Variants in IQCM observed in about 807,000 individuals in gnomAD.
IQCM encodes IQ domain-containing protein M.
Under a neutral mutation model 57.6 loss-of-function variants are expected in IQCM, and 45 were observed. The observed-to-expected ratio is 0.78, with a 90% CI of 0.62 to 1.00. The LOEUF (loss-of-function observed/expected upper bound fraction) is 1.00. Among genes scored for constraint, IQCM ranks in the 50% least tolerant of loss-of-function variants. IQCM has a pLI of 0.00. For missense variants in IQCM, 468 were observed against 511.6 expected (o/e 0.91, Z 0.82); for synonymous variants, 148 against 158.9 (o/e 0.93, Z 0.51).
chr4:149,469,092 G>A (rs565438024), intron 12 of IQCM, among the ~76,000 whole-genome samples: 36 of 152,262 alleles, frequency 2.4e-4, no homozygotes, highest in Non-Finnish European at 4.6e-4. Context: ...ACAGCTCCTC[G>A]CCAGCAATGG....
chr4:149,392,124 AG>A (rs1233786353), intron 13 of IQCM, among the ~76,000 whole-genome samples: 2 of 38,288 alleles, frequency 5.2e-5, no homozygotes, highest in Non-Finnish European at 1.3e-4. Flanking sequence ...CAATTTTGTC[AG>A]TTTTTTTTTT....
At position 149,730,379 on chromosome 4, in the gene IQCM, GC is replaced by G. The variant is rs563802680; in HGVS notation, c.385+2864del. On this transcript the variant is annotated intron_variant, in intron 5 of 13. Coordinates refer to ENST00000636793, the MANE Select transcript of IQCM (RefSeq NM_001363507.2). The stretch of plus-strand genomic sequence containing the variant: ...AAATCCATCATACCCCATCTCTACA[GC>G]CAGTAAACATGCTAAAATGCAAATA... 5.0e-3 allele frequency among the ~76,000 whole-genome samples: 756 copies of G among 152,186 alleles called. 3 individuals are homozygous for G. The highest frequency in any genetic ancestry group is 0.017 in the African/African-American group (720 of 41,516).
intron 12 of IQCM, among the ~76,000 whole-genome samples, chr4:149,534,451 CA>C (rs1560960544): frequency 6.6e-6 from 1 of 152,154 alleles, no homozygotes; most frequent in East Asian, 1.9e-4. Flanking sequence ...GTGTTTACTT[CA>C]AAAGATGACA....
chr4:149,391,335 C>T (rs1409655923), intron 13 of IQCM, among the ~76,000 whole-genome samples: 1 of 151,868 alleles, frequency 6.6e-6, no homozygotes, highest in East Asian at 1.9e-4. Context: ...AGGTCAATAA[C>T]AATAGCCCCC....
At chr4:149,520,125 T>A (rs1745464961) in intron 12 of IQCM, among the ~76,000 whole-genome samples, 1 of 152,238 alleles carries the variant, frequency 6.6e-6, no homozygotes, top group African/African-American at 2.4e-5. Context: ...GGTTAACATT[T>A]TAAAGTGCTT....
chr4:149,607,505 T>C (rs1013493842), intron 8 of IQCM, among the ~76,000 whole-genome samples: 2 of 151,982 alleles, frequency 1.3e-5, no homozygotes, highest in Non-Finnish European at 2.9e-5. Context: ...AACAATGTAA[T>C]TGCGATGTGT....
chr4:149,546,112 T>C (rs1748389333), intron 12 of IQCM, among the ~76,000 whole-genome samples: 1 of 152,196 alleles, frequency 6.6e-6, no homozygotes, highest in Admixed American at 6.5e-5. Flanking sequence ...AATGATGGTT[T>C]CCAGCTTCAA....
rs184071643 is a variant in IQCM at position 149,473,127 on chromosome 4, G to T, written c.1229-39570C>A. ...CAAAAGCCAAAATTGACAAATGGGA[G>T]CTAATTAAACTCAAGAGCTTCTGCA... On this transcript the variant is annotated intron_variant, in intron 12 of 13. Transcript: ENST00000636793. Among the ~76,000 whole-genome samples the T allele has an allele frequency of 5.1e-4, 78 of 152,202 alleles. 1 individual carries two copies. The highest frequency in any genetic ancestry group is 3.4e-3 in the Middle Eastern group (1 of 294).
At chr4:149,545,694 T>C (rs1284152094) in intron 12 of IQCM, among the ~76,000 whole-genome samples, 1 of 152,018 alleles carries the variant, frequency 6.6e-6, no homozygotes, top group African/African-American at 2.4e-5. Context: ...TGGGTATATA[T>C]CCAAATAAAT....
chr4:149,814,986 A>G (rs1384611093), intron 2 of IQCM, among the ~76,000 whole-genome samples: 1 of 152,050 alleles, frequency 6.6e-6, no homozygotes, highest in African/African-American at 2.4e-5. Flanking sequence ...ACAAAAATAA[A>G]GCAATAGTAG....
chr4:149,747,490 T>C (rs1249004024), intron 2 of IQCM, among the ~76,000 whole-genome samples: 3 of 152,174 alleles, frequency 2.0e-5, no homozygotes, highest in Non-Finnish European at 4.4e-5. Flanking sequence ...TAGGAAATAA[T>C]GACAAGAAAA....
At chr4:149,459,878 G>A (rs535812518) in intron 12 of IQCM, among the ~76,000 whole-genome samples, 4 of 152,212 alleles carry the variant, frequency 2.6e-5, no homozygotes, top group East Asian at 3.9e-4. Context: ...TGTTGCGAAC[G>A]TGGGTTGAAC....
rs528217144 is a variant in IQCM, at chr4:149,530,157, G to T, written c.1228+18298C>A. Among the ~76,000 whole-genome samples the T allele has an allele frequency of 2.6e-5, 4 of 152,042 alleles. No homozygotes were observed. In the South Asian group the frequency reaches 8.3e-4, roughly 32 times the overall value. On this transcript the variant is annotated intron_variant, in intron 12 of 13. Transcript: ENST00000636793. ...CCCCAAAGAAAAATGTCCCCATCTT[G>T]CTCTCTATCTTCTTACCTTGCTTTA...
chr4:149,502,832 A>C (rs530753180), intron 12 of IQCM, among the ~76,000 whole-genome samples: 1 of 152,278 alleles, frequency 6.6e-6, no homozygotes, highest in South Asian at 2.1e-4. Context: ...AAAATGTACA[A>C]GCAATCAGAG....
chr4:149,432,621 C>T (rs1579039879), intron 13 of IQCM, among the ~76,000 whole-genome samples: 1 of 151,990 alleles, frequency 6.6e-6, no homozygotes, highest in East Asian at 1.9e-4. Context: ...AATAAAGAAA[C>T]ACATAGTAAA....
chr4:149,677,853 A>G (rs765559478), intron 7 of IQCM, among the ~76,000 whole-genome samples: 2 of 151,962 alleles, frequency 1.3e-5, no homozygotes, highest in African/African-American at 4.8e-5. Flanking sequence ...TTTTTAAATT[A>G]AACAGAAATC....
chr4:149,749,442 C>T (rs567370513), intron 2 of IQCM, among the ~76,000 whole-genome samples: 11 of 152,224 alleles, frequency 7.2e-5, no homozygotes, highest in East Asian at 3.9e-4. Flanking sequence ...AATCAGGACA[C>T]GGTCTATGTT....
At chr4:149,488,977 A>G (rs919113702) in intron 12 of IQCM, among the ~76,000 whole-genome samples, 7 of 152,146 alleles carry the variant, frequency 4.6e-5, no homozygotes, top group Admixed American at 6.6e-5. Context: ...TACTAAAACT[A>G]TAGATCAACA....
At chr4:149,409,160 G>C (rs894637511) in intron 13 of IQCM, among the ~76,000 whole-genome samples, 1 of 152,210 alleles carries the variant, frequency 6.6e-6, no homozygotes, top group Non-Finnish European at 1.5e-5. Context: ...GATCCAGTGA[G>C]TGAGAAGCCA....
Sources: allele counts gnomAD v4.1 joint callset (sites outside exome capture counted in the v4.1 genomes callset), GRCh38; gene constraint gnomAD v4.1.1; transcripts MANE v1.5; gene names NCBI Gene and HGNC (gene_info 2026-07-23, HGNC 2026-07-21).